The following RETREG3 variants were observed in gnomAD, a reference collection of about 807,000 sequenced individuals.
RETREG3 encodes the protein reticulophagy regulator family member 3.
A neutral mutation model predicts 50.2 loss-of-function variants in RETREG3; 23 were observed. That is an observed-to-expected ratio of 0.46 (90% confidence interval 0.33 to 0.65). The LOEUF (loss-of-function observed/expected upper bound fraction) is 0.65, where lower values mean the gene tolerates loss of function less well. Ranked by LOEUF, RETREG3 falls within the 30% of genes least tolerant of loss-of-function variation. The pLI, the probability that RETREG3 is intolerant of heterozygous loss-of-function variation, is 0.02. For synonymous variants in RETREG3, 240 were observed against 234.4 expected, an observed-to-expected ratio of 1.02 and a Z score of -0.22; for missense variants, 546 against 598.0, an observed-to-expected ratio of 0.91 and a Z score of 0.91.
chr17:42,587,696 G>A lies in RETREG3; in HGVS notation c.377+138C>T, dbSNP rs201995803. ...TATTGCTGCCTGAACTTTAGGATGT[G>A]TTAAAATGATCATTTGGAACAGCCT... On this transcript the variant is annotated intron_variant, in intron 3 of 8. Coordinates refer to ENST00000309428, the MANE Select transcript of RETREG3 (RefSeq NM_178126.4). 2.1e-4 allele frequency: 213 copies of A among 1,013,450 alleles called. No individual in the cohort carries two copies. In the East Asian group the frequency reaches 4.8e-3, roughly 23 times the overall value. The allele number at this position is 1,013,450 out of a possible 1,614,324, so 62.8% of individuals were successfully genotyped here.
rs1321793764 is a variant in RETREG3 at position 42,582,079 on chromosome 17, G to A, written c.1135C>T (p.Leu379=). Residue 379 remains leucine (L), a synonymous_variant, in exon 9 of 9, where the codon CTG becomes TTG. Coordinates refer to ENST00000309428, the MANE Select transcript of RETREG3 (RefSeq NM_178126.4). Reference sequence around the variant, plus strand: ...AGAGCACCAAGCAGGAGCTCCGGCAGCGCAGCCTCGTCCCGGCTGGCAGGT... The same window carrying A: ...AGAGCACCAAGCAGGAGCTCCGGCAACGCAGCCTCGTCCCGGCTGGCAGGT... The part of the protein sequence containing the change: ...APPASRDEAA[L]PELLLGALPV... 1 of 1,614,128 alleles carries A rather than the reference G, an allele frequency of 6.2e-7. No homozygotes were observed.
intron 1 of RETREG3, among the ~76,000 whole-genome samples, chr17:42,603,759 C>T (rs948513497): frequency 2.0e-4 from 30 of 152,094 alleles, no homozygotes; most frequent in Admixed American, 1.6e-3. Context: ...GGGCGGATCA[C>T]GAGGTCAGGA....
At chr17:42,583,963 A>T (rs1216952318) in intron 6 of RETREG3, among the ~76,000 whole-genome samples, 1 of 152,086 alleles carries the variant, frequency 6.6e-6, no homozygotes, top group Non-Finnish European at 1.5e-5. Context: ...GCTCACCATC[A>T]CACCTGGCTA....
intron 1 of RETREG3, among the ~76,000 whole-genome samples, chr17:42,594,305 C>T (rs2093139213): frequency 2.0e-5 from 3 of 152,196 alleles, no homozygotes; most frequent in Admixed American, 6.5e-5. Context: ...CCTGTAATTC[C>T]AACACTTTGG....
intron 1 of RETREG3, among the ~76,000 whole-genome samples, chr17:42,593,385 C>T (rs1597737084): frequency 6.6e-6 from 1 of 152,062 alleles, no homozygotes; most frequent in African/African-American, 2.4e-5. Context: ...CGTGGTGGTT[C>T]AAGCCTGTAA....
chr17:42,582,834 T>G lies in RETREG3; in HGVS notation c.811-28A>C, dbSNP rs766597857. On this transcript the variant is annotated intron_variant, in intron 7 of 8. Transcript: ENST00000309428. ...TAGGAAAAGACCAACAAATGTGAGA[T>G]AATGCCATCAGGAACCAGGTGTAGT... is the stretch of plus-strand genomic sequence containing the variant. 5 of 1,613,782 alleles carry G rather than the reference T, an allele frequency of 3.1e-6. No homozygotes were observed. In the South Asian group the frequency reaches 5.5e-5, roughly 18 times the overall value.
chr17:42,608,653 T>TG (rs150128794), intron 1 of RETREG3: 1,838 of 162,236 alleles, frequency 0.011, 40 homozygotes, highest in African/African-American at 0.042. Context: ...ATCACACCTA[T>TG]GGATACCTTT....
At chr17:42,601,478 C>A (rs1383467700) in intron 1 of RETREG3, among the ~76,000 whole-genome samples, 1 of 147,568 alleles carries the variant, frequency 6.8e-6, no homozygotes, top group Non-Finnish European at 1.5e-5. Context: ...GAGGCTGAGG[C>A]AGGAGAATGG....
chr17:42,605,917 G>C (rs928946257), intron 1 of RETREG3, among the ~76,000 whole-genome samples: 1 of 149,912 alleles, frequency 6.7e-6, no homozygotes, highest in African/African-American at 2.5e-5. Flanking sequence ...CTTGAACTTA[G>C]GAGGTGGAAG....
At chr17:42,594,074 C>T (rs1262043147) in intron 1 of RETREG3, among the ~76,000 whole-genome samples, 1 of 152,156 alleles carries the variant, frequency 6.6e-6, no homozygotes, top group African/African-American at 2.4e-5. Context: ...GCTTGCGGTC[C>T]CAGTTACCTG....
At position 42,609,360 on chromosome 17, in the gene RETREG3, C is replaced by G. The variant is rs747720433; in HGVS notation, c.-36G>C. 140 of 1,573,826 alleles carry G rather than the reference C, an allele frequency of 8.9e-5. 1 individual carries two copies. The highest frequency in any genetic ancestry group is 1.2e-4 in the Non-Finnish European group (139 of 1,165,202). On this transcript the variant is annotated 5_prime_UTR_variant, in exon 1 of 9. Transcript: ENST00000309428. Reference sequence around the variant, plus strand: ...CAGCCACAACATCCGGGGCCGTGGCCCGACAAGTCACAATAACAGCAACTG... The same window carrying G: ...CAGCCACAACATCCGGGGCCGTGGCGCGACAAGTCACAATAACAGCAACTG...
intron 1 of RETREG3, chr17:42,608,818 C>T: frequency 2.2e-6 from 1 of 463,058 alleles, no homozygotes; most frequent in Non-Finnish European, 3.8e-6. Flanking sequence ...CACTCTTGAG[C>T]GGCTCAAGAT....
chr17:42,582,956 C>T (rs192319327), intron 7 of RETREG3, 150 bp from the exon 8 acceptor site: 118 of 1,000,972 alleles, frequency 1.2e-4, no homozygotes, highest in Admixed American at 5.0e-4. Context: ...GTTGAAAACT[C>T]CCTCTCCCCT....
chr17:42,597,615 ATATATTTTTTTTTTTTTTT>A lies in RETREG3; in HGVS notation c.240-5472_240-5454del, dbSNP rs2093149797. ...TATATATATATATATATATATATATATATATTTTTTTTTTTTTTTTTTTTTTTTTTTTGAGACAGAGTCT... is the reference window on the plus strand; with the variant it reads ...TATATATATATATATATATATATATATTTTTTTTTTTTTGAGACAGAGTCT... On this transcript the variant is annotated intron_variant, in intron 1 of 8. Coordinates refer to ENST00000309428, the MANE Select transcript of RETREG3 (RefSeq NM_178126.4). Among the ~76,000 whole-genome samples the A allele has an allele frequency of 1.2e-3, 26 of 21,488 alleles. 1 individual carries two copies. The highest frequency in any genetic ancestry group is 4.0e-3 in the African/African-American group (24 of 6,052). The allele number at this position is 21,488 out of a possible 152,430, so 14.1% of individuals were successfully genotyped here.
rs551816058 is a variant in RETREG3, at chr17:42,604,690, C to T, written c.239+4396G>A. On this transcript the variant is annotated intron_variant, in intron 1 of 8. Transcript: ENST00000309428. The stretch of plus-strand genomic sequence containing the variant: ...GTCCAGCCCAACAACCCCCGATTCC[C>T]CAGCAAAAAAAAAAAAAAAAAAAAA... 5.0e-5 allele frequency among the ~76,000 whole-genome samples: 7 copies of T among 140,418 alleles called. No individual in the cohort carries two copies. In the East Asian group the frequency reaches 1.4e-3, roughly 28 times the overall value. 92.1% of individuals were successfully genotyped at this position (140,418 alleles called of 152,430 possible).
chr17:42,584,668 TGTG>T (rs1401998735), intron 6 of RETREG3, among the ~76,000 whole-genome samples: 1 of 151,814 alleles, frequency 6.6e-6, no homozygotes, highest in Non-Finnish European at 1.5e-5. Context: ...ATCAGATAGA[TGTG>T]GTGACACATG....
At chr17:42,583,665 C>T (rs2093114965) in intron 6 of RETREG3, 85 bp from the exon 7 acceptor site, 1 of 1,300,708 alleles carries the variant, frequency 7.7e-7, no homozygotes, top group Non-Finnish European at 1.1e-6. Context: ...AATCAGAACA[C>T]AAAACAAAGA....
In RETREG3 at chr17:42,589,316, T is replaced by A. The variant is rs557274001; in HGVS notation, c.347-1452A>T. Among the ~76,000 whole-genome samples, 7 of 152,328 alleles carry A rather than the reference T, an allele frequency of 4.6e-5. No homozygotes were observed. The East Asian group carries it at 1.3e-3, about 29-fold the overall frequency. On this transcript the variant is annotated intron_variant, in intron 2 of 8. Transcript: ENST00000309428. ...ACCTGCCTAAAATCTACATCAGTTT[T>A]CCTCTCTCACCCCTTCAAACCAACT...
At chr17:42,609,055 C>G (rs545643012) in intron 1 of RETREG3, 31 bp downstream of exon 1, 3 of 1,591,948 alleles carry the variant, frequency 1.9e-6, no homozygotes, top group African/African-American at 1.3e-5. Context: ...ATTCGGGACT[C>G]GGAGGGTTTC....
Sources: gnomAD v4.1 joint callset for allele counts (sites outside exome capture counted in the v4.1 genomes callset) on GRCh38, gnomAD v4.1.1 for gene constraint, MANE v1.5 for transcripts, NCBI Gene and HGNC (gene_info 2026-07-23, HGNC 2026-07-21) for gene names.